Variants in CELSR1 observed in about 807,000 individuals in gnomAD.
CELSR1 encodes adhesion G protein-coupled receptor C1.
In CELSR1, 110 loss-of-function variants were observed where a neutral mutation model predicts 249.1. That is an observed-to-expected ratio of 0.44 (90% CI 0.38 to 0.52). The LOEUF is 0.52. CELSR1 is among the 20% of genes least tolerant of loss of function. CELSR1 has a pLI of 0.00. For synonymous variants in CELSR1, 2,113 were observed against 1,900.0 expected, an observed-to-expected ratio of 1.11 and a Z score of -2.92; for missense variants, 4,109 against 4,296.4, an observed-to-expected ratio of 0.96 and a Z score of 1.22.
chr22:46,433,555 T>G lies in CELSR1; in HGVS notation c.4523-74A>C, dbSNP rs1280524902. 1 of 1,195,366 alleles carries G rather than the reference T, an allele frequency of 8.4e-7. No homozygotes were observed. The highest frequency in any genetic ancestry group is 2.0e-5 in the Admixed American group (1 of 51,018). The allele number at this position is 1,195,366 out of a possible 1,614,324, so 74.0% of individuals were successfully genotyped here. On this transcript the variant is annotated intron_variant, in intron 4 of 34. Coordinates refer to ENST00000674500, the MANE Select transcript of CELSR1 (RefSeq NM_001378328.1). This position sits in a 1 kb window ranked among gnomAD's most constrained non-coding sequence, Gnocchi z 5.7. The stretch of plus-strand genomic sequence containing the variant: ...CTACTGGGGACCGAGGATTGCGCTG[T>G]GAGGCATCAGGGGGAGACAGGTGCA...
intron 31 of CELSR1, 24 bp downstream of exon 31, chr22:46,365,562 C>T (rs746830931): frequency 1.0e-5 from 16 of 1,568,980 alleles, no homozygotes; most frequent in Non-Finnish European, 1.4e-5. Context: ...CCCACGGGGT[C>T]CTCCCCCTCC....
Position 46,398,546 on chromosome 22 carries a change from C to T in CELSR1, c.5504G>A (p.Arg1835His), listed in dbSNP as rs375057747. Residue 1835 changes from arginine to histidine, a missense_variant, in exon 11 of 35, where the codon CGT becomes CAT. This residue lies in a region of CELSR1 where 1,805 missense variants were observed against 1,831.6 expected (regional missense o/e 0.99). Transcript: ENST00000674500. The surrounding 1 kb of genome is among the most constrained non-coding windows in gnomAD (Gnocchi z 7.2). ...GASEDKVSVRRGFRGCMQGVR... is the reference protein window; with the variant it reads ...GASEDKVSVRHGFRGCMQGVR... ...CACCTGCATGCAGCCTCGGAATCCA[C>T]GGCGCACGGAGACCTTGTCTTCAGA... 127 of 1,612,140 alleles carry T rather than the reference C, an allele frequency of 7.9e-5. No homozygotes were observed. The highest frequency in any genetic ancestry group is 6.6e-4 in the Middle Eastern group (4 of 6,074).
chr22:46,397,874 C>T, intron 11 of CELSR1, 26 bp from the exon 12 acceptor site: 1 of 1,499,200 alleles, frequency 6.7e-7, no homozygotes, highest in South Asian at 1.4e-5. Context: ...GGCACTGGGG[C>T]TACAGGAGCC....
At chr22:46,425,649 T>A (rs1332876783) in intron 5 of CELSR1, among the ~76,000 whole-genome samples, 1 of 152,224 alleles carries the variant, frequency 6.6e-6, no homozygotes, top group African/African-American at 2.4e-5. Flanking sequence ...TGGCAATTTG[T>A]CTTCTCTTTT....
rs979569401 is a variant in CELSR1, at chr22:46,391,664, C to T, written c.6117G>A (p.Pro2039=). 21 of 1,606,650 alleles carry T rather than the reference C, an allele frequency of 1.3e-5. No homozygotes were observed. Among genetic ancestry groups the T allele is most frequent in the African/African-American group, 2.7e-5 (2 of 74,744 alleles). ...IGRQCNRCDN[P]FAEVTTLGCE... ...AGCCGAGCGTGGTGACCTCGGCAAA[C>T]GGGTTGTCGCAGCGGTTGCACTGGC... is the stretch of plus-strand genomic sequence containing the variant. The change falls in exon 15 of 35, where the codon CCG becomes CCA. Residue 2039 remains proline (P), a synonymous_variant. Coordinates refer to ENST00000674500, the MANE Select transcript of CELSR1 (RefSeq NM_001378328.1). This position sits in a 1 kb window ranked among gnomAD's most constrained non-coding sequence, Gnocchi z 4.3.
rs372836924 is a variant in CELSR1, at chr22:46,536,001, G to A, written c.1170C>T (p.Tyr390=). Residue 390 remains tyrosine, a synonymous_variant, in exon 1 of 35, where the codon TAC becomes TAT. Transcript: ENST00000674500. ...RDSPINANLR[Y]RVLGGAWDVF... ...CGTCCCACGCGCCCCCCAACACGCG[G>A]TAACGCAAGTTGGCGTTGATGGGCG... The A allele has an allele frequency of 8.9e-5, 143 of 1,610,702 alleles. No homozygotes were observed. Among genetic ancestry groups the A allele is most frequent in the Non-Finnish European group, 1.2e-4 (138 of 1,179,936 alleles).
At chr22:46,377,420 T>A in intron 23 of CELSR1, 159 bp from the exon 24 acceptor site, 1 of 761,970 alleles carries the variant, frequency 1.3e-6, no homozygotes, top group Non-Finnish European at 2.1e-6. Flanking sequence ...GCTCTGGGCC[T>A]GGAACTGCCC....
intron 3 of CELSR1, among the ~76,000 whole-genome samples, chr22:46,438,528 G>T (rs79859139): frequency 0.032 from 4,915 of 152,260 alleles, 262 homozygotes; most frequent in African/African-American, 0.11. Flanking sequence ...CAGCTCTGAT[G>T]GTTTAGCCAC....
intron 5 of CELSR1, among the ~76,000 whole-genome samples, chr22:46,415,987 C>T (rs74480135): frequency 0.021 from 3,152 of 152,148 alleles, 110 homozygotes; most frequent in African/African-American, 0.071. Flanking sequence ...GAAAAGACTA[C>T]GTGGTGGTAA....
chr22:46,474,788 C>CTTTTTTTTTTTTTTTTTTTTT (rs55932520), intron 1 of CELSR1, among the ~76,000 whole-genome samples: 1 of 89,624 alleles, frequency 1.1e-5, no homozygotes, highest in Non-Finnish European at 2.0e-5. Flanking sequence ...CTCTCTACTT[C>CTTTTTTTTTTTTTTTTTTTTT]TTTTTTTTTT....
intron 1 of CELSR1, among the ~76,000 whole-genome samples, chr22:46,474,703 A>G (rs1278466809): frequency 7.2e-6 from 1 of 139,246 alleles, no homozygotes; most frequent in East Asian, 2.2e-4. Context: ...GTAACTTTGT[A>G]CTCTTTGACC....
chr22:46,492,916 G>A (rs1288247771), intron 1 of CELSR1, among the ~76,000 whole-genome samples: 2 of 152,040 alleles, frequency 1.3e-5, no homozygotes, highest in Non-Finnish European at 2.9e-5. Context: ...AAAAGAGCAT[G>A]GAAAACATTT....
rs2079343151 is a variant in CELSR1, at chr22:46,412,039, G to A, written c.4612-280C>T. ...AGATGCGGACGTCCTGGAGTAGGCG[G>A]GCCCTGATCCAAGATGACTGGTGTC... is the stretch of plus-strand genomic sequence containing the variant. On this transcript the variant is annotated intron_variant, in intron 5 of 34. Coordinates refer to ENST00000674500, the MANE Select transcript of CELSR1 (RefSeq NM_001378328.1). The surrounding 1 kb of genome is among the most constrained non-coding windows in gnomAD (Gnocchi z 4.5). Among the ~76,000 whole-genome samples, 1 of 152,160 alleles carries A rather than the reference G, an allele frequency of 6.6e-6. No homozygotes were observed. The highest frequency in any genetic ancestry group is 1.5e-5 in the Non-Finnish European group (1 of 68,026).
rs1313869119 is a variant in CELSR1 at position 46,528,789 on chromosome 22, C to T, written c.3544+4838G>A. 4.6e-5 allele frequency among the ~76,000 whole-genome samples: 7 copies of T among 151,104 alleles called. No homozygotes were observed. In the East Asian group the frequency reaches 5.9e-4, roughly 13 times the overall value. ...TAAAAATACAAAAAAATCAGCCGGG[C>T]GTGGTGGCGGGCGCCTGTAGTCCCA... On this transcript the variant is annotated intron_variant, in intron 1 of 34. Coordinates refer to ENST00000674500, the MANE Select transcript of CELSR1 (RefSeq NM_001378328.1).
At position 46,392,085 on chromosome 22, in the gene CELSR1, G is replaced by A. The variant is rs1278517971; in HGVS notation, c.5965-269C>T. Among the ~76,000 whole-genome samples the A allele has an allele frequency of 3.3e-5, 5 of 152,350 alleles. No individual in the cohort carries two copies. The East Asian group carries it at 7.7e-4, about 23-fold the overall frequency. The stretch of plus-strand genomic sequence containing the variant: ...ACAAGTCTCAACAGTGGGCACCTTC[G>A]TATTTGTCCTAAAAAGAATCAGAGA... On this transcript the variant is annotated intron_variant, in intron 14 of 34. Transcript: ENST00000674500.
In CELSR1 at chr22:46,411,831, T is replaced by C. The variant is rs1337239657; in HGVS notation, c.4612-72A>G. 2.5e-6 allele frequency: 4 copies of C among 1,589,566 alleles called. No individual in the cohort carries two copies. Among genetic ancestry groups the C allele is most frequent in the Non-Finnish European group, 3.4e-6 (4 of 1,166,044 alleles). Reference sequence around the variant, plus strand: ...TGCCCTCAGCAGGCGCACCTGTCACTCATAGAGCGAGGAGGACATGGCACA... The same window carrying C: ...TGCCCTCAGCAGGCGCACCTGTCACCCATAGAGCGAGGAGGACATGGCACA... On this transcript the variant is annotated intron_variant, in intron 5 of 34. Transcript: ENST00000674500. The surrounding 1 kb of genome is among the most constrained non-coding windows in gnomAD (Gnocchi z 4.2).
intron 24 of CELSR1, 81 bp downstream of exon 24, chr22:46,376,980 C>G: frequency 6.9e-7 from 1 of 1,449,752 alleles, no homozygotes; most frequent in Non-Finnish European, 9.5e-7. Context: ...AGCCAGGGTG[C>G]TTGGAGTGGC....
rs202069007 is a variant in CELSR1 at position 46,536,112 on chromosome 22, G to A, written c.1059C>T (p.Phe353=). 243 of 1,612,410 alleles carry A rather than the reference G, an allele frequency of 1.5e-4. No individual in the cohort carries two copies. Among genetic ancestry groups the A allele is most frequent in the Non-Finnish European group, 1.9e-4 (219 of 1,180,008 alleles). Residue 353 remains phenylalanine, a synonymous_variant, in exon 1 of 35, where the codon TTC becomes TTT. Transcript: ENST00000674500. ...CGCGCTCGCGGTACTCCGACTGCTC[G>A]AAGACCGGGCTGTGGTCGTTGGTGT... ...VKDTNDHSPV[F]EQSEYRERVR...
intron 9 of CELSR1, among the ~76,000 whole-genome samples, chr22:46,405,857 G>A (rs1051747514): frequency 2.0e-4 from 30 of 152,246 alleles, no homozygotes; most frequent in African/African-American, 7.0e-4. Context: ...GCTGATAATG[G>A]CAAGGAGAAA....
Sources: gnomAD v4.1 joint callset for allele counts (sites outside exome capture counted in the v4.1 genomes callset) on GRCh38, gnomAD v4.1.1 for gene constraint, gnomAD v4.1.1 regional missense constraint, Gnocchi (gnomAD v3.1) non-coding constraint, MANE v1.5 for transcripts, NCBI Gene and HGNC (gene_info 2026-07-23, HGNC 2026-07-21) for gene names.